The following WDPCP variants were observed in gnomAD, a reference collection of about 807,000 sequenced individuals.
The protein encoded by WDPCP is WD repeat containing planar cell polarity effector.
Under a neutral mutation model 93.1 loss-of-function variants are expected in WDPCP, and 71 were observed. That is an observed-to-expected ratio of 0.76 (90% CI 0.63 to 0.93). WDPCP has a LOEUF of 0.93. Among genes scored for constraint, WDPCP ranks in the 40% least tolerant of loss-of-function variants. WDPCP has a pLI of 0.00. For missense variants in WDPCP, 844 were observed against 887.4 expected (o/e 0.95, Z 0.62); for synonymous variants, 315 against 315.0 (o/e 1.00, Z 0.00).
At position 63,684,551 on chromosome 2, in the gene WDPCP, A is replaced by G. The variant is rs1271364342; in HGVS notation, n.309-33713T>C. ...TTATAACTATAATCACCTAATGCCC[A>G]CAAGGTACTCTGTGGATATCCCCTT... is the stretch of plus-strand genomic sequence containing the variant. On this transcript the variant is annotated intron_variant and non_coding_transcript_variant, in intron 2 of 4. Transcript: ENST00000467687. 3 of 715,330 alleles carry G rather than the reference A, an allele frequency of 4.2e-6. No individual in the cohort carries two copies. The Admixed American group carries it at 5.3e-5, about 13-fold the overall frequency. 44.3% of individuals were successfully genotyped at this position (715,330 alleles called of 1,614,324 possible). A position where few individuals can be genotyped will look rare whatever the true frequency, so the allele number is the denominator to read the frequency against.
intron 2 of WDPCP, among the ~76,000 whole-genome samples, chr2:63,744,375 G>A (rs572359670): frequency 6.6e-6 from 1 of 152,176 alleles, no homozygotes; most frequent in South Asian, 2.1e-4. Flanking sequence ...TTCAGTAAAT[G>A]AGACAAGATT....
intron 2 of WDPCP, among the ~76,000 whole-genome samples, chr2:63,747,539 A>T (rs564026532): frequency 9.1e-4 from 138 of 151,730 alleles, no homozygotes; most frequent in Non-Finnish European, 1.6e-3. Context: ...TGAAAAACTC[A>T]TCATTTTCCT....
intron 6 of WDPCP, among the ~76,000 whole-genome samples, chr2:63,461,697 T>G (rs1699021763): frequency 6.6e-6 from 1 of 152,200 alleles, no homozygotes. Context: ...AAAATTCAAA[T>G]TATTGATTCA....
At chr2:63,408,701 T>C (rs944385854) in intron 9 of WDPCP, among the ~76,000 whole-genome samples, 5 of 152,170 alleles carry the variant, frequency 3.3e-5, no homozygotes, top group Non-Finnish European at 7.4e-5. Context: ...GACTTGGGAC[T>C]GTTGTGTGAG....
chr2:63,500,062 A>C (rs1317271110), intron 1 of WDPCP, among the ~76,000 whole-genome samples: 1 of 152,232 alleles, frequency 6.6e-6, no homozygotes, highest in Non-Finnish European at 1.5e-5. Flanking sequence ...TCAAGTTCCC[A>C]GGAACCCCTT....
chr2:63,536,423 C>T (rs886673372), intron 1 of WDPCP, among the ~76,000 whole-genome samples: 9 of 152,118 alleles, frequency 5.9e-5, no homozygotes, highest in South Asian at 2.1e-4. Flanking sequence ...ATGTTTACTG[C>T]GGCACTATTC....
At chr2:63,556,628 C>T (rs192840421) in intron 1 of WDPCP, among the ~76,000 whole-genome samples, 23 of 152,238 alleles carry the variant, frequency 1.5e-4, no homozygotes, top group Middle Eastern at 3.4e-3. Flanking sequence ...TGAAATCTTT[C>T]GGAAGAGAAG....
intron 2 of WDPCP, among the ~76,000 whole-genome samples, chr2:63,734,852 T>TGG (rs1447917499): frequency 1.4e-5 from 2 of 145,720 alleles, no homozygotes; most frequent in African/African-American, 5.2e-5. Context: ...GAAGGATAGA[T>TGG]AGATGGAGAT....
At chr2:63,253,341 TTAAG>T (rs1320553849) in intron 14 of WDPCP, among the ~76,000 whole-genome samples, 3 of 151,960 alleles carry the variant, frequency 2.0e-5, no homozygotes, top group Non-Finnish European at 2.9e-5. Context: ...AAATTTATGA[TTAAG>T]TAAGTCCTCA....
rs202196322 is a variant in WDPCP, at chr2:63,487,479, A to T, written c.176T>A (p.Ile59Asn). 3,472 of 1,596,126 alleles carry T rather than the reference A, an allele frequency of 2.2e-3. 11 individuals are homozygous for T. The highest frequency in any genetic ancestry group is 2.8e-3 in the Non-Finnish European group (3,257 of 1,164,888). The change falls in exon 3 of 18, where the codon ATC becomes AAC. Residue 59 changes from isoleucine (I) to asparagine (N), a missense_variant. Physicochemically the swap from Ile to Asn is moderately radical, Grantham distance 149 (BLOSUM62 -3). Coordinates refer to ENST00000272321, the MANE Select transcript of WDPCP (RefSeq NM_015910.7). ...ATCTTTCTTGTCATAATACTGGTAG[A>T]TCCCAATGTCTCTATCTATAGAAAG... Reference protein sequence around the residue: ...TLHIADRDIGIYQYYDKKDPP... With the variant: ...TLHIADRDIGNYQYYDKKDPP...
At chr2:63,415,059 A>C (rs1040247293) in intron 9 of WDPCP, among the ~76,000 whole-genome samples, 4 of 152,178 alleles carry the variant, frequency 2.6e-5, no homozygotes, top group African/African-American at 7.2e-5. Flanking sequence ...GCACAGCATA[A>C]TTAAAGATAC....
chr2:63,609,374 C>T (rs1709590683), intron 3 of WDPCP, among the ~76,000 whole-genome samples: 1 of 151,206 alleles, frequency 6.6e-6, no homozygotes, highest in Admixed American at 6.6e-5. Flanking sequence ...AAAACAACAA[C>T]AACAAAATAT....
chr2:63,763,727 T>C (rs1396300291), intron 2 of WDPCP, among the ~76,000 whole-genome samples: 2 of 152,200 alleles, frequency 1.3e-5, no homozygotes, highest in Non-Finnish European at 2.9e-5. Context: ...TATTCAGAGA[T>C]AGTCAGGAGT....
In WDPCP at chr2:63,586,422, C is replaced by T. The variant is rs563875591; in HGVS notation, c.75+1775G>A. Among the ~76,000 whole-genome samples the T allele has an allele frequency of 2.3e-4, 35 of 152,304 alleles. No individual in the cohort carries two copies. The South Asian group carries it at 7.0e-3, about 31-fold the overall frequency. On this transcript the variant is annotated intron_variant, in intron 1 of 17. Transcript: ENST00000272321. ...TAACAAAAAATGAATGTCTGCAACA[C>T]ATTCACAAACCACCTGGAGATTCAA...
At chr2:63,515,536 TG>T (rs750356181) in intron 1 of WDPCP, among the ~76,000 whole-genome samples, 43 of 152,298 alleles carry the variant, frequency 2.8e-4, no homozygotes, top group Non-Finnish European at 4.0e-4. Flanking sequence ...AATAACTGAT[TG>T]TGCTAGGAAA....
chr2:63,150,793 T>C lies in WDPCP; in HGVS notation c.2190+2121A>G, dbSNP rs1671836784. Among the ~76,000 whole-genome samples, 3 of 152,300 alleles carry C rather than the reference T, an allele frequency of 2.0e-5. No homozygotes were observed. The South Asian group carries it at 6.2e-4, about 32-fold the overall frequency. On this transcript the variant is annotated intron_variant, in intron 17 of 17. Transcript: ENST00000272321. ...AGAAAAAAGTTGATTAAGAGAAATA[T>C]GTTGAAAAATAGTTATTATAGCAAT...
At chr2:63,654,910 G>A (rs1275216400) in intron 2 of WDPCP, among the ~76,000 whole-genome samples, 2 of 151,882 alleles carry the variant, frequency 1.3e-5, no homozygotes, top group Non-Finnish European at 2.9e-5. Flanking sequence ...AGATATGGGG[G>A]ACTGACTGTA....
intron 12 of WDPCP, among the ~76,000 whole-genome samples, chr2:63,356,687 T>C (rs6714251): frequency 0.016 from 2,453 of 152,138 alleles, 65 homozygotes; most frequent in African/African-American, 0.055. Context: ...GGATAAACAA[T>C]GAAATTAAGG....
At chr2:63,408,875 C>T (rs1443154673) in intron 9 of WDPCP, among the ~76,000 whole-genome samples, 1 of 152,142 alleles carries the variant, frequency 6.6e-6, no homozygotes, top group Non-Finnish European at 1.5e-5. Context: ...CCCCCATCCC[C>T]CACAGCAGCC....
Sources: allele counts gnomAD v4.1 joint callset (sites outside exome capture counted in the v4.1 genomes callset), GRCh38; gene constraint gnomAD v4.1.1; transcripts MANE v1.5; gene names NCBI Gene and HGNC (gene_info 2026-07-23, HGNC 2026-07-21).